SAMD5: variants seen among roughly 807,000 people sequenced by gnomAD.
The protein encoded by SAMD5 is sterile alpha motif domain-containing protein 5.
Under a neutral mutation model 11.3 loss-of-function variants are expected in SAMD5, and 13 were observed. The ratio of observed to expected loss-of-function variants is 1.15; its 90% CI spans 0.75 to 1.83. The LOEUF (loss-of-function observed/expected upper bound fraction) is 1.83. Ranked by LOEUF, SAMD5 falls within the 40% of genes most tolerant of loss-of-function variation. The probability of loss-of-function intolerance (pLI) is 0.00; values close to 1 mark genes in which losing one functional copy is unlikely to be tolerated. For synonymous variants in SAMD5, 129 were observed against 111.3 expected, an observed-to-expected ratio of 1.16 and a Z score of -1.00; for missense variants, 255 against 239.1, an observed-to-expected ratio of 1.07 and a Z score of -0.44.
the SAMD5 span, among the ~76,000 whole-genome samples, chr6:147,821,942 G>T: frequency 1.3e-5 from 2 of 151,954 alleles, no homozygotes; most frequent in African/African-American, 4.8e-5. Flanking sequence ...TATTTTTTCA[G>T]AATGAAGTAA....
chr6:147,940,795 C>A, the SAMD5 span, among the ~76,000 whole-genome samples: 3 of 152,102 alleles, frequency 2.0e-5, no homozygotes, highest in Non-Finnish European at 4.4e-5. Context: ...AACCCCGTCT[C>A]TACTAAAAAT....
chr6:147,931,017 C>A, the SAMD5 span, among the ~76,000 whole-genome samples: 14,571 of 152,168 alleles, frequency 0.096, 924 homozygotes, highest in South Asian at 0.15. Flanking sequence ...TCAATCCAGT[C>A]AAGTTGACAG....
intron 1 of SAMD5, among the ~76,000 whole-genome samples, chr6:147,639,490 G>A (rs1790278342): frequency 6.6e-6 from 1 of 152,184 alleles, no homozygotes; most frequent in South Asian, 2.1e-4. Context: ...CTGCAGCTCT[G>A]GGGTCCCCGA....
intron 1 of SAMD5, among the ~76,000 whole-genome samples, chr6:147,626,812 AAAAAAG>A (rs1790058335): frequency 6.7e-6 from 1 of 149,592 alleles, no homozygotes; most frequent in African/African-American, 2.4e-5. Flanking sequence ...AAAAAAAAAA[AAAAAAG>A]AAAGAAAGAA....
chr6:147,819,831 AAG>A, the SAMD5 span, among the ~76,000 whole-genome samples: 1 of 152,196 alleles, frequency 6.6e-6, no homozygotes, highest in African/African-American at 2.4e-5. Flanking sequence ...AATGTGGGAA[AAG>A]AGAGGGCCTG....
the SAMD5 span, among the ~76,000 whole-genome samples, chr6:147,900,768 C>T: frequency 6.6e-6 from 1 of 152,192 alleles, no homozygotes. Context: ...GGCCAGATGA[C>T]TCCCCAGATT....
chr6:147,937,278 T>G, the SAMD5 span, among the ~76,000 whole-genome samples: 1 of 152,202 alleles, frequency 6.6e-6, no homozygotes, highest in Non-Finnish European at 1.5e-5. Flanking sequence ...TTGTTCTTGT[T>G]GACTAAGAGA....
At chr6:147,620,992 G>A (rs200017429) in intron 1 of SAMD5, among the ~76,000 whole-genome samples, 7 of 49,096 alleles carry the variant, frequency 1.4e-4, no homozygotes, top group Admixed American at 3.1e-4. Flanking sequence ...GTGTGTGTGC[G>A]CGCGCGCACA....
At chr6:147,926,129 A>G in the SAMD5 span, among the ~76,000 whole-genome samples, 1 of 152,318 alleles carries the variant, frequency 6.6e-6, no homozygotes, top group East Asian at 1.9e-4. Flanking sequence ...GCTATTGTGA[A>G]TAGTACTGCA....
chr6:147,778,756 A>G, the SAMD5 span, among the ~76,000 whole-genome samples: 1 of 151,984 alleles, frequency 6.6e-6, no homozygotes, highest in South Asian at 2.1e-4. Flanking sequence ...TTGACATCAT[A>G]TATATGTAAG....
chr6:147,578,979 T>G (rs1168135168), intron 1 of SAMD5, among the ~76,000 whole-genome samples: 1 of 152,250 alleles, frequency 6.6e-6, no homozygotes, highest in East Asian at 1.9e-4. Flanking sequence ...AAATGTTCAG[T>G]AGGTGTTAGC....
At chr6:147,724,647 C>T (rs938413692) in intron 1 of SAMD5, among the ~76,000 whole-genome samples, 3 of 152,102 alleles carry the variant, frequency 2.0e-5, no homozygotes, top group South Asian at 2.1e-4. Flanking sequence ...AGTAGTGAGC[C>T]GTGAGGCTGC....
intron 1 of SAMD5, among the ~76,000 whole-genome samples, chr6:147,735,443 A>G (rs1004942944): frequency 6.6e-6 from 1 of 152,204 alleles, no homozygotes; most frequent in African/African-American, 2.4e-5. Context: ...CTCATCTCAA[A>G]GCCCTAAGTA....
chr6:147,891,857 T>C, the SAMD5 span, among the ~76,000 whole-genome samples: 538 of 152,140 alleles, frequency 3.5e-3, 3 homozygotes, highest in African/African-American at 0.012. Context: ...CAGACGTGCC[T>C]GGAAAAGAAA....
the SAMD5 span, among the ~76,000 whole-genome samples, chr6:147,836,035 C>T: frequency 1.3e-5 from 2 of 152,202 alleles, no homozygotes; most frequent in East Asian, 1.9e-4. Flanking sequence ...ACCAGCTTTA[C>T]GCTTTTTAAA....
At chr6:147,790,785 TCTCTCTCTCTCTCTC>T in the SAMD5 span, among the ~76,000 whole-genome samples, 947 of 112,492 alleles carry the variant, frequency 8.4e-3, 8 homozygotes, top group African/African-American at 0.022. Flanking sequence ...TCTCTCTCTC[TCTCTCTCTCTCTCTC>T]TCTCTCTCTC....
At chr6:147,690,142 G>A (rs1246183171) in intron 1 of SAMD5, among the ~76,000 whole-genome samples, 5 of 152,042 alleles carry the variant, frequency 3.3e-5, no homozygotes, top group Non-Finnish European at 5.9e-5. Context: ...AACAATAAGT[G>A]AAATGGTTTG....
At chr6:147,778,765 A>G in the SAMD5 span, among the ~76,000 whole-genome samples, 1 of 152,194 alleles carries the variant, frequency 6.6e-6, no homozygotes, top group South Asian at 2.1e-4. Context: ...TATATATGTA[A>G]GTTTCATATC....
intron 1 of SAMD5, among the ~76,000 whole-genome samples, chr6:147,603,922 C>T (rs527513189): frequency 9.0e-4 from 137 of 152,222 alleles, no homozygotes; most frequent in Middle Eastern, 3.4e-3. Flanking sequence ...TTCTAGCTTT[C>T]GTTGATACTA....
Sources: allele counts gnomAD v4.1 joint callset (sites outside exome capture counted in the v4.1 genomes callset), GRCh38; gene constraint gnomAD v4.1.1; transcripts MANE v1.5; gene names NCBI Gene and HGNC (gene_info 2026-07-23, HGNC 2026-07-21).